The following ZNF362 variants were observed in gnomAD, a reference collection of about 807,000 sequenced individuals.
ZNF362 encodes the protein rotund homolog.
ZNF362 carries 11 observed loss-of-function variants against 42.9 expected under a neutral mutation model. That is an observed-to-expected ratio of 0.26 (90% CI 0.16 to 0.42). The LOEUF (loss-of-function observed/expected upper bound fraction) is 0.42, where lower values mean the gene tolerates loss of function less well. Among genes scored for constraint, ZNF362 ranks in the 20% least tolerant of loss-of-function variants. ZNF362 has a pLI of 1.00. For synonymous variants in ZNF362, 255 were observed against 257.3 expected, an observed-to-expected ratio of 0.99 and a Z score of 0.09; for missense variants, 362 against 576.2, an observed-to-expected ratio of 0.63 and a Z score of 3.81.
At chr1:33,255,699 G>C (rs1645782747), upstream of ZNF362, among the ~76,000 whole-genome samples, 1 of 152,172 alleles carries the variant, frequency 6.6e-6, no homozygotes, top group Non-Finnish European at 1.5e-5. Flanking sequence ...CATCCGTCGG[G>C]GATCCGGCCT....
chr1:33,290,107 A>T (rs1200869753), intron 6 of ZNF362, among the ~76,000 whole-genome samples: 1 of 151,548 alleles, frequency 6.6e-6, no homozygotes, highest in African/African-American at 2.4e-5. Context: ...TTATTTTTTT[A>T]TTTATACTTA....
At chr1:33,176,866 A>C in the ZNF362 span, among the ~76,000 whole-genome samples, 1 of 152,206 alleles carries the variant, frequency 6.6e-6, no homozygotes, top group Admixed American at 6.5e-5. Context: ...AGATTAAATG[A>C]GGTAATGCAA....
chr1:33,165,244 G>A, the ZNF362 span: 35 of 479,062 alleles, frequency 7.3e-5, 2 homozygotes, highest in Non-Finnish European at 9.8e-5. This position sits in a 1 kb window ranked among gnomAD's most constrained non-coding sequence, Gnocchi z 4.0. Context: ...CGAGGGACCA[G>A]CCCACATCCT....
the ZNF362 span, among the ~76,000 whole-genome samples, chr1:33,140,292 C>T: frequency 1.3e-5 from 2 of 152,218 alleles, no homozygotes; most frequent in Non-Finnish European, 2.9e-5. The surrounding 1 kb of genome is among the most constrained non-coding windows in gnomAD (Gnocchi z 4.0). Context: ...CGACTCACAG[C>T]CCCACCCTGG....
the ZNF362 span, among the ~76,000 whole-genome samples, chr1:33,177,122 C>T: frequency 4.0e-5 from 6 of 151,584 alleles, no homozygotes; most frequent in East Asian, 2.0e-4. This position sits in a 1 kb window ranked among gnomAD's most constrained non-coding sequence, Gnocchi z 4.1. Flanking sequence ...CATGCATGTA[C>T]GCATGCACAC....
intron 6 of ZNF362, among the ~76,000 whole-genome samples, chr1:33,282,354 A>G (rs1646001919): frequency 6.6e-6 from 1 of 152,254 alleles, no homozygotes; most frequent in East Asian, 1.9e-4. Flanking sequence ...GTTTTTACAG[A>G]GCATATGATT....
rs534022238 is a variant in ZNF362 at position 33,262,509 on chromosome 1, G to A, written c.-89+5855G>A. Among the ~76,000 whole-genome samples the A allele has an allele frequency of 4.5e-3, 687 of 151,910 alleles. 5 individuals carry two copies. The highest frequency in any genetic ancestry group is 0.016 in the African/African-American group (642 of 41,414). On this transcript the variant is annotated intron_variant, in intron 1 of 8. Coordinates refer to ENST00000539719, the MANE Select transcript of ZNF362 (RefSeq NM_152493.3). ...TTTTTAGTAGAGATGGGGTTTCACC[G>A]TGTTAGCCAGGATGGTCTCGATCTC...
At chr1:33,147,828 G>T in the ZNF362 span, 2 of 1,361,660 alleles carry the variant, frequency 1.5e-6, no homozygotes, top group Non-Finnish European at 2.0e-6. This position sits in a 1 kb window ranked among gnomAD's most constrained non-coding sequence, Gnocchi z 8.1. Context: ...GTACGCAGGA[G>T]GCCTCTGACC....
intron 2 of ZNF362, among the ~76,000 whole-genome samples, chr1:33,271,802 G>A (rs774705051): frequency 5.1e-4 from 77 of 151,532 alleles, no homozygotes; most frequent in Non-Finnish European, 5.6e-4. Flanking sequence ...GTAGATCACT[G>A]TGTGTCTGCA....
At chr1:33,234,006 T>C in the ZNF362 span, among the ~76,000 whole-genome samples, 1 of 152,216 alleles carries the variant, frequency 6.6e-6, no homozygotes, top group Admixed American at 6.5e-5. Context: ...GCCTGACACA[T>C]AGGAAGTACT....
At chr1:33,255,373 G>A (rs1168968170), upstream of ZNF362, among the ~76,000 whole-genome samples, 1 of 152,220 alleles carries the variant, frequency 6.6e-6, no homozygotes, top group Non-Finnish European at 1.5e-5. Flanking sequence ...TGCCCTTCCC[G>A]GGGGACTGTG....
the ZNF362 span, chr1:33,176,375 C>T: frequency 1.5e-6 from 1 of 679,802 alleles, no homozygotes; most frequent in Admixed American, 2.0e-5. Flanking sequence ...GGGTGGCTGC[C>T]TTGGTGTCAC....
chr1:33,146,873 C>CTGA, the ZNF362 span: 1 of 421,262 alleles, frequency 2.4e-6, no homozygotes, highest in Non-Finnish European at 4.4e-6. Context: ...GGAAGGTAGT[C>CTGA]CCCTGCCCCT....
At chr1:33,270,686 C>A (rs1419684912) in intron 2 of ZNF362, 74 bp downstream of exon 2, 2 of 1,578,406 alleles carry the variant, frequency 1.3e-6, no homozygotes, top group South Asian at 1.2e-5. Flanking sequence ...GCATTGTGTT[C>A]GTCCCACCTT....
intron 1 of ZNF362, among the ~76,000 whole-genome samples, chr1:33,267,969 C>G (rs940569697): frequency 2.6e-5 from 4 of 152,208 alleles, no homozygotes; most frequent in Non-Finnish European, 4.4e-5. Flanking sequence ...ACACTCCCAC[C>G]AATAATACAT....
At chr1:33,254,131 G>GT (rs1168816102), upstream of ZNF362, among the ~76,000 whole-genome samples, 7,293 of 39,010 alleles carry the variant, frequency 0.19, 459 homozygotes, top group African/African-American at 0.32. Context: ...TAGTTCGTCT[G>GT]TTTTTTTTTT....
the ZNF362 span, among the ~76,000 whole-genome samples, chr1:33,191,837 G>T: frequency 1.3e-5 from 2 of 152,180 alleles, no homozygotes; most frequent in Admixed American, 1.3e-4. Context: ...CCTCCTCAAT[G>T]GTTGAGTGAT....
the ZNF362 span, among the ~76,000 whole-genome samples, chr1:33,239,697 T>C: frequency 3.1e-3 from 476 of 152,228 alleles, 4 homozygotes; most frequent in African/African-American, 0.011. Context: ...GAGAACAGCA[T>C]GGGGGAACCG....
chr1:33,299,080 G>GGCAGAC lies in ZNF362; in HGVS notation c.*35_*40dup. ...GAGGCGCCGCCCCACCCGGCCCACT[G>GGCAGAC]GCAGACACAGACCCAGGCAGCACCA... is the stretch of plus-strand genomic sequence containing the variant. On this transcript the variant is annotated 3_prime_UTR_variant, in exon 9 of 9. Coordinates refer to ENST00000539719, the MANE Select transcript of ZNF362 (RefSeq NM_152493.3). 6.4e-7 allele frequency: 1 copy of GGCAGAC among 1,557,432 alleles called. No individual in the cohort carries two copies. Among genetic ancestry groups the GGCAGAC allele is most frequent in the Non-Finnish European group, 8.8e-7 (1 of 1,140,612 alleles).
Sources: gnomAD v4.1 joint callset for allele counts (sites outside exome capture counted in the v4.1 genomes callset) on GRCh38, gnomAD v4.1.1 for gene constraint, Gnocchi (gnomAD v3.1) non-coding constraint, MANE v1.5 for transcripts, NCBI Gene and HGNC (gene_info 2026-07-23, HGNC 2026-07-21) for gene names.